PPP1R1C: variants seen among roughly 807,000 people sequenced by gnomAD.
PPP1R1C encodes protein phosphatase 1 regulatory subunit 1C.
Under a neutral mutation model 17.4 loss-of-function variants are expected in PPP1R1C, and 15 were observed. The ratio of observed to expected loss-of-function variants is 0.86; its 90% CI spans 0.58 to 1.33. PPP1R1C has a LOEUF of 1.33. Ranked by LOEUF, PPP1R1C falls within the 40% of genes most tolerant of loss-of-function variation. PPP1R1C has a pLI of 0.00. For missense variants in PPP1R1C, 143 were observed against 130.0 expected, an observed-to-expected ratio of 1.10 and a Z score of -0.48; for synonymous variants, 35 against 43.1, an observed-to-expected ratio of 0.81 and a Z score of 0.73.
chr2:182,121,603 T>G (rs1266197502), downstream of PPP1R1C, among the ~76,000 whole-genome samples: 3 of 152,280 alleles, frequency 2.0e-5, no homozygotes, highest in Non-Finnish European at 2.9e-5. Flanking sequence ...TTCCCCTGCC[T>G]CAGCCTCCCA....
chr2:181,995,592 G>A (rs1377018808), intron 2 of PPP1R1C, among the ~76,000 whole-genome samples: 1 of 152,158 alleles, frequency 6.6e-6, no homozygotes, highest in Admixed American at 6.5e-5. Flanking sequence ...CTTAACAGTT[G>A]TTCAGTTTCA....
At chr2:182,050,275 C>T (rs1687470209) in intron 2 of PPP1R1C, among the ~76,000 whole-genome samples, 1 of 152,194 alleles carries the variant, frequency 6.6e-6, no homozygotes, top group African/African-American at 2.4e-5. Context: ...CCTCTCACAG[C>T]CAGGCTGTCA....
intron 1 of PPP1R1C, among the ~76,000 whole-genome samples, chr2:181,963,570 G>A (rs1371569307): frequency 2.6e-5 from 4 of 152,118 alleles, no homozygotes; most frequent in Non-Finnish European, 1.5e-5. Context: ...ACTGGGACCC[G>A]GGAGGCAGAG....
At chr2:182,054,739 C>A (rs192564327) in intron 2 of PPP1R1C, among the ~76,000 whole-genome samples, 42 of 152,252 alleles carry the variant, frequency 2.8e-4, no homozygotes, top group African/African-American at 8.9e-4. Context: ...CAGCTCACTG[C>A]AGCCTCTGCC....
At chr2:182,106,415 G>C (rs1689252314) in intron 4 of PPP1R1C, among the ~76,000 whole-genome samples, 1 of 152,238 alleles carries the variant, frequency 6.6e-6, no homozygotes. Context: ...AGCAGACGCT[G>C]TCAGGACATC....
chr2:182,086,418 A>G (rs1156546031), intron 4 of PPP1R1C, among the ~76,000 whole-genome samples: 1 of 152,164 alleles, frequency 6.6e-6, no homozygotes, highest in Non-Finnish European at 1.5e-5. Flanking sequence ...GGGAAAAGAT[A>G]CACTCATGCA....
chr2:182,016,621 A>G (rs2125159770), intron 2 of PPP1R1C, among the ~76,000 whole-genome samples: 1 of 152,358 alleles, frequency 6.6e-6, no homozygotes, highest in South Asian at 2.1e-4. Flanking sequence ...TTTAAACATG[A>G]AAGTCCATTG....
chr2:182,043,291 GTC>G (rs1391615627), intron 2 of PPP1R1C, among the ~76,000 whole-genome samples: 16 of 152,150 alleles, frequency 1.1e-4, no homozygotes, highest in Admixed American at 2.6e-4. Context: ...TTTCCAAAGA[GTC>G]TTGTGATACC....
chr2:181,955,801 C>G (rs1559036695), intron 1 of PPP1R1C, among the ~76,000 whole-genome samples: 1 of 152,172 alleles, frequency 6.6e-6, no homozygotes, highest in East Asian at 1.9e-4. Flanking sequence ...TTCTAGCACA[C>G]AGAGATAAGC....
At chr2:182,065,690 C>A (rs1384074306) in intron 4 of PPP1R1C, among the ~76,000 whole-genome samples, 1 of 151,990 alleles carries the variant, frequency 6.6e-6, no homozygotes, top group East Asian at 1.9e-4. Context: ...CTGTGAATAG[C>A]CACTGCATGC....
chr2:182,074,217 A>G (rs1335920396), intron 4 of PPP1R1C, among the ~76,000 whole-genome samples: 1 of 151,348 alleles, frequency 6.6e-6, no homozygotes, highest in Non-Finnish European at 1.5e-5. Flanking sequence ...AATTTTTTGT[A>G]CTTTTAGTAG....
At chr2:182,029,528 T>G (rs1445674736) in intron 2 of PPP1R1C, among the ~76,000 whole-genome samples, 19 of 148,480 alleles carry the variant, frequency 1.3e-4, no homozygotes, top group Admixed American at 1.1e-3. Context: ...TTTAAGAATG[T>G]TGAATATTGG....
At chr2:181,995,525 A>G (rs16867520) in intron 2 of PPP1R1C, among the ~76,000 whole-genome samples, 3,500 of 152,356 alleles carry the variant, frequency 0.023, 57 homozygotes, top group Non-Finnish European at 0.038. Context: ...CATTGAATAA[A>G]TAGGTGTCTG....
At chr2:182,027,401 T>C (rs1297719075) in intron 2 of PPP1R1C, among the ~76,000 whole-genome samples, 1 of 130,736 alleles carries the variant, frequency 7.6e-6, no homozygotes, top group Non-Finnish European at 1.6e-5. Context: ...ACCTAATTTA[T>C]TGAGAGTTTT....
intron 2 of PPP1R1C, among the ~76,000 whole-genome samples, chr2:182,006,149 G>A (rs1685917806): frequency 1.3e-5 from 2 of 152,106 alleles, no homozygotes; most frequent in Admixed American, 1.3e-4. Context: ...CCAAAGATCA[G>A]TAGTTGAAAT....
intron 2 of PPP1R1C, among the ~76,000 whole-genome samples, chr2:182,052,000 C>T (rs529737037): frequency 6.8e-6 from 1 of 146,652 alleles, no homozygotes; most frequent in African/African-American, 2.5e-5. Context: ...GAGACTCTGT[C>T]TCAAAAAAAA....
At chr2:182,060,536 T>A (rs1229073682) in intron 2 of PPP1R1C, among the ~76,000 whole-genome samples, 1 of 152,170 alleles carries the variant, frequency 6.6e-6, no homozygotes, top group African/African-American at 2.4e-5. Flanking sequence ...TATGCATATA[T>A]ATATCACTTT....
In PPP1R1C at chr2:182,063,803, G is replaced by T; in HGVS notation, c.241+12G>T. ...ACCCACCATAAAAGGTACTGTTCAG[G>T]TACTGTTTCGGGTTGTCATGAGTGG... On this transcript the variant is annotated intron_variant, in intron 4 of 4. Coordinates refer to ENST00000682840, the MANE Select transcript of PPP1R1C (RefSeq NM_001080545.3). 6.2e-7 allele frequency: 1 copy of T among 1,610,874 alleles called. No individual in the cohort carries two copies. Among genetic ancestry groups the T allele is most frequent in the African/African-American group, 1.3e-5 (1 of 74,884 alleles).
intron 4 of PPP1R1C, among the ~76,000 whole-genome samples, chr2:182,069,599 G>A (rs1392428963): frequency 6.6e-6 from 1 of 152,060 alleles, no homozygotes; most frequent in Non-Finnish European, 1.5e-5. Context: ...AAATTGAATT[G>A]CAAATTTAAA....
Sources: gnomAD v4.1 joint callset for allele counts (sites outside exome capture counted in the v4.1 genomes callset) on GRCh38, gnomAD v4.1.1 for gene constraint, MANE v1.5 for transcripts, NCBI Gene and HGNC (gene_info 2026-07-23, HGNC 2026-07-21) for gene names.